Variants in FAM81A observed in about 807,000 individuals in gnomAD.
FAM81A encodes the protein protein FAM81A.
Under a neutral mutation model 46.7 loss-of-function variants are expected in FAM81A, and 19 were observed. That is an observed-to-expected ratio of 0.41 (90% confidence interval 0.28 to 0.60). FAM81A has a LOEUF of 0.60. Ranked by LOEUF, FAM81A falls within the 20% of genes least tolerant of loss-of-function variation. FAM81A has a pLI of 0.34. For synonymous variants in FAM81A, 183 were observed against 152.9 expected (o/e 1.20, Z -1.45); for missense variants, 377 against 453.5 (o/e 0.83, Z 1.53).
chr15:59,448,993 G>A (rs1433090615), intron 1 of FAM81A, among the ~76,000 whole-genome samples: 2 of 152,158 alleles, frequency 1.3e-5, no homozygotes, highest in African/African-American at 2.4e-5. Flanking sequence ...TTGAGTGGAT[G>A]TGCTGTGTTC....
chr15:59,483,528 A>T (rs1328969239), intron 3 of FAM81A, among the ~76,000 whole-genome samples: 1 of 152,236 alleles, frequency 6.6e-6, no homozygotes, highest in Non-Finnish European at 1.5e-5. Flanking sequence ...GAGGGAGCAC[A>T]AAAACAAATT....
Position 59,460,799 on chromosome 15 carries a change from C to CTTCA in FAM81A, c.294+594_294+597dup. Among the ~76,000 whole-genome samples the CTTCA allele has an allele frequency of 6.6e-6, 1 of 152,296 alleles. No individual in the cohort carries two copies. The highest frequency in any genetic ancestry group is 2.1e-4 in the South Asian group (1 of 4,828). ...GGACCACACAGTTTAGTTCAGAAAG[C>CTTCA]TTCAGATCATTTAGGGCTTGGGTTT... On this transcript the variant is annotated intron_variant, in intron 3 of 8. Transcript: ENST00000288228. The surrounding 1 kb of genome is among the most constrained non-coding windows in gnomAD (Gnocchi z 4.4).
At chr15:59,458,440 A>G (rs761672394) in intron 1 of FAM81A, 110 bp from the exon 2 acceptor site, 4 of 661,884 alleles carry the variant, frequency 6.0e-6, no homozygotes, top group Non-Finnish European at 1.0e-5. Context: ...AATATAACTT[A>G]TCAGTGTTTC....
chr15:59,425,588 T>C (rs1200546227), intron 2 of FAM81A, among the ~76,000 whole-genome samples: 13 of 152,222 alleles, frequency 8.5e-5, no homozygotes, highest in African/African-American at 3.1e-4. Context: ...TATTTTTGTT[T>C]TAGTAAAATA....
rs185157169 is a variant in FAM81A, at chr15:59,425,351, T to C, written c.-78+22993T>C. 3.0e-3 allele frequency among the ~76,000 whole-genome samples: 454 copies of C among 152,332 alleles called. 2 individuals are homozygous for C. Among genetic ancestry groups the C allele is most frequent in the Middle Eastern group, 0.01 (3 of 294 alleles). ...TGAAGCCAGAATTTGAATGCAAGTC[T>C]TTGAATCTTGGAGTCCTTCTTTTTC... On this transcript the variant is annotated intron_variant, in intron 2 of 4. Transcript: ENST00000558348.
chr15:59,417,539 C>A (rs1487015335), intron 2 of FAM81A, among the ~76,000 whole-genome samples: 2 of 139,762 alleles, frequency 1.4e-5, no homozygotes, highest in African/African-American at 5.6e-5. Flanking sequence ...AACCCCGTCT[C>A]TACTAAAAAT....
chr15:59,511,026 G>A (rs1290578002), intron 6 of FAM81A, among the ~76,000 whole-genome samples: 1 of 151,976 alleles, frequency 6.6e-6, no homozygotes, highest in Non-Finnish European at 1.5e-5. Flanking sequence ...AACCCAGGAG[G>A]TGGAGGTTGC....
intron 1 of FAM81A, among the ~76,000 whole-genome samples, chr15:59,454,049 T>G (rs1030857458): frequency 6.6e-6 from 1 of 152,222 alleles, no homozygotes; most frequent in Non-Finnish European, 1.5e-5. Flanking sequence ...TCCAAAGGCC[T>G]GAGGGTGCTG....
intron 2 of FAM81A, among the ~76,000 whole-genome samples, chr15:59,410,729 A>G (rs1402526500): frequency 6.6e-6 from 1 of 152,250 alleles, no homozygotes; most frequent in African/African-American, 2.4e-5. Context: ...AGCTCAAGCA[A>G]CAGATGTTTC....
At chr15:59,507,386 C>T in intron 5 of FAM81A, 44 bp downstream of exon 5, 2 of 1,594,830 alleles carry the variant, frequency 1.3e-6, no homozygotes, top group Non-Finnish European at 1.7e-6. Flanking sequence ...GTAATTTGTT[C>T]TTAGCTAAGA....
rs1328551162 is a variant in FAM81A, at chr15:59,521,247, C to T, written c.983-7C>T. On this transcript the variant is annotated splice_region_variant and splice_polypyrimidine_tract_variant and intron_variant, in intron 8 of 8. Coordinates refer to ENST00000288228, the MANE Select transcript of FAM81A (RefSeq NM_152450.3). ...TTAACTGTTGTGAAATTTACCTCTC[C>T]TTCAAGGGTTTACAGCCGTCTATGA... 1.2e-6 allele frequency: 2 copies of T among 1,607,902 alleles called. No individual in the cohort carries two copies. Among genetic ancestry groups the T allele is most frequent in the South Asian group, 2.2e-5 (2 of 90,038 alleles).
intron 3 of FAM81A, among the ~76,000 whole-genome samples, chr15:59,483,871 A>G (rs972888206): frequency 6.6e-6 from 1 of 152,180 alleles, no homozygotes; most frequent in Non-Finnish European, 1.5e-5. Context: ...CCCTATAACT[A>G]AGCCAGTCTC....
intron 2 of FAM81A, 28 bp downstream of exon 2, chr15:59,458,674 TG>T (rs1466522886): frequency 6.3e-7 from 1 of 1,588,668 alleles, no homozygotes; most frequent in Admixed American, 1.7e-5. Context: ...ACTCATCCCA[TG>T]GGGGCTGCTA....
At chr15:59,479,280 A>T (rs1354357208) in intron 3 of FAM81A, among the ~76,000 whole-genome samples, 1 of 152,098 alleles carries the variant, frequency 6.6e-6, no homozygotes, top group Admixed American at 6.5e-5. Context: ...TGGGAGGCCG[A>T]GGCGTGCAGA....
At chr15:59,408,610 C>A (rs1333995037) in intron 2 of FAM81A, among the ~76,000 whole-genome samples, 1 of 152,110 alleles carries the variant, frequency 6.6e-6, no homozygotes, top group Non-Finnish European at 1.5e-5. Context: ...AGGTGGATTA[C>A]GAGGTCAGGA....
intron 3 of FAM81A, among the ~76,000 whole-genome samples, chr15:59,472,370 C>T (rs1441800148): frequency 2.0e-5 from 3 of 152,048 alleles, no homozygotes; most frequent in Non-Finnish European, 2.9e-5. Flanking sequence ...CAAACCAAAA[C>T]ATAACGAAAA....
chr15:59,403,936 T>G (rs1389338248), intron 2 of FAM81A, among the ~76,000 whole-genome samples: 1 of 149,342 alleles, frequency 6.7e-6, no homozygotes, highest in African/African-American at 2.5e-5. Context: ...CAGGCTGGAG[T>G]GCAGTAGAGT....
intron 2 of FAM81A, among the ~76,000 whole-genome samples, chr15:59,414,376 G>T (rs189122930): frequency 3.9e-4 from 59 of 152,280 alleles, no homozygotes; most frequent in Admixed American, 1.1e-3. Flanking sequence ...ATTAACAGGA[G>T]AAAAGTTATA....
At chr15:59,504,761 A>T (rs530253073) in intron 4 of FAM81A, among the ~76,000 whole-genome samples, 1 of 152,330 alleles carries the variant, frequency 6.6e-6, no homozygotes, top group East Asian at 1.9e-4. Context: ...CTCAATACTT[A>T]GAAGATGTTT....
Sources: allele counts gnomAD v4.1 joint callset (sites outside exome capture counted in the v4.1 genomes callset), GRCh38; gene constraint gnomAD v4.1.1; non-coding constraint Gnocchi (gnomAD v3.1); transcripts MANE v1.5; gene names NCBI Gene and HGNC (gene_info 2026-07-23, HGNC 2026-07-21).